Variants in ACBD6 observed in about 807,000 individuals in gnomAD.
The protein encoded by ACBD6 is acyl-CoA binding domain containing 6.
In ACBD6, 28 loss-of-function variants were observed where a neutral mutation model predicts 37.2. That is an observed-to-expected ratio of 0.75 (90% CI 0.56 to 1.03). The LOEUF is 1.03. Ranked by LOEUF, ACBD6 falls within the 50% of genes least tolerant of loss-of-function variation. The pLI is 0.00. For synonymous variants in ACBD6, 113 were observed against 126.8 expected (o/e 0.89, Z 0.73); for missense variants, 340 against 337.4 (o/e 1.01, Z -0.06).
At chr1:180,466,094 G>A (rs1650338270) in intron 3 of ACBD6, among the ~76,000 whole-genome samples, 1 of 151,888 alleles carries the variant, frequency 6.6e-6, no homozygotes, top group South Asian at 2.1e-4. Flanking sequence ...AATCCCTATG[G>A]TATGTGTTTA....
chr1:180,392,648 T>G lies in ACBD6; in HGVS notation c.663+4868A>C, dbSNP rs558704552. 4.9e-4 allele frequency among the ~76,000 whole-genome samples: 75 copies of G among 152,294 alleles called. No homozygotes were observed. The South Asian group carries it at 7.0e-3, about 14-fold the overall frequency. The stretch of plus-strand genomic sequence containing the variant: ...AAAGAGACAATGCACATAAAATTCT[T>G]GACACATAGTAAACACTAAATACTT... On this transcript the variant is annotated intron_variant, in intron 6 of 7. Transcript: ENST00000367595.
rs1453961418 is a variant in ACBD6 at position 180,303,452 on chromosome 1, C to A, written c.694+11240G>T. Among the ~76,000 whole-genome samples the A allele has an allele frequency of 1.3e-5, 2 of 150,862 alleles. 1 individual carries two copies. Among genetic ancestry groups the A allele is most frequent in the Non-Finnish European group, 3.0e-5 (2 of 67,514 alleles). Reference sequence around the variant, plus strand: ...ACCACCAATCCCGCAGAAATACAAACTACCATCAGAGAATATTATAAACAC... The same window carrying A: ...ACCACCAATCCCGCAGAAATACAAAATACCATCAGAGAATATTATAAACAC... On this transcript the variant is annotated intron_variant, in intron 7 of 7. Transcript: ENST00000367595.
chr1:180,321,662 T>A (rs1023110832), intron 6 of ACBD6, among the ~76,000 whole-genome samples: 1 of 152,094 alleles, frequency 6.6e-6, no homozygotes, highest in East Asian at 1.9e-4. Context: ...AGCAAGACTC[T>A]GTCTCAAAAA....
intron 9 of ACBD6, among the ~76,000 whole-genome samples, chr1:180,280,309 C>T (rs1649269313): frequency 6.6e-6 from 1 of 151,984 alleles, no homozygotes; most frequent in Non-Finnish European, 1.5e-5. Context: ...GTGTGTGTGG[C>T]ATTTCCCTCT....
At chr1:180,341,938 A>G (rs1384428869) in intron 6 of ACBD6, among the ~76,000 whole-genome samples, 1 of 152,130 alleles carries the variant, frequency 6.6e-6, no homozygotes, top group Non-Finnish European at 1.5e-5. Context: ...ATGGTTACTT[A>G]TAAGTAGCTC....
intron 6 of ACBD6, among the ~76,000 whole-genome samples, chr1:180,348,471 CTATTAAGAG>C (rs1258572720): frequency 2.0e-5 from 3 of 152,046 alleles, no homozygotes; most frequent in Non-Finnish European, 4.4e-5. Context: ...GAAATGGGAG[CTATTAAGAG>C]TATTAAGATC....
intron 4 of ACBD6, 82 bp downstream of exon 4, chr1:180,430,086 TACACATATACAC>T (rs1390669933): frequency 9.8e-7 from 1 of 1,024,614 alleles, no homozygotes; most frequent in African/African-American, 1.6e-5. Context: ...AAATATATAG[TACACATATACAC>T]ATACATAAGC....
exon 14 of ACBD6, chr1:180,271,869 G>A (rs763867983): frequency 1.9e-6 from 3 of 1,613,644 alleles, no homozygotes; most frequent in African/African-American, 1.3e-5. Flanking sequence ...AAAGAGAAAC[G>A]CCTGAAGAAG....
At chr1:180,414,239 C>T (rs74386847) in intron 4 of ACBD6, among the ~76,000 whole-genome samples, 2,786 of 152,234 alleles carry the variant, frequency 0.018, 90 homozygotes, top group African/African-American at 0.063. Flanking sequence ...ACTCCCATAA[C>T]GATCAGTAAT....
intron 7 of ACBD6, among the ~76,000 whole-genome samples, chr1:180,291,420 T>C (rs1433413084): frequency 1.3e-5 from 2 of 152,230 alleles, no homozygotes; most frequent in Non-Finnish European, 2.9e-5. Flanking sequence ...GTTAGGTCTA[T>C]GGTGGCTTTT....
At chr1:180,296,288 A>G (rs1447505438) in intron 7 of ACBD6, among the ~76,000 whole-genome samples, 2 of 152,208 alleles carry the variant, frequency 1.3e-5, no homozygotes, top group African/African-American at 2.4e-5. Context: ...CTGACTCATG[A>G]GGTTGAAGGA....
At chr1:180,335,422 G>A (rs1259673306) in intron 6 of ACBD6, among the ~76,000 whole-genome samples, 5 of 152,178 alleles carry the variant, frequency 3.3e-5, no homozygotes, top group Non-Finnish European at 5.9e-5. Flanking sequence ...AGCTTCATAA[G>A]TGAAGGAGAA....
chr1:180,318,355 C>T (rs1465182655), intron 6 of ACBD6, among the ~76,000 whole-genome samples: 1 of 151,928 alleles, frequency 6.6e-6, no homozygotes, highest in Non-Finnish European at 1.5e-5. Flanking sequence ...ATTTTATAGT[C>T]CCTATATTTC....
chr1:180,356,524 T>TAGG (rs1427380394), intron 6 of ACBD6, among the ~76,000 whole-genome samples: 4 of 151,946 alleles, frequency 2.6e-5, no homozygotes, highest in African/African-American at 9.7e-5. Context: ...TTTAGATCAG[T>TAGG]TCAAATATGA....
Position 180,396,458 on chromosome 1 carries a change from A to G in ACBD6, c.663+1058T>C, listed in dbSNP as rs145700908. Among the ~76,000 whole-genome samples the G allele has an allele frequency of 3.5e-3, 532 of 152,292 alleles. 2 individuals carry two copies. Among genetic ancestry groups the G allele is most frequent in the African/African-American group, 0.012 (500 of 41,562 alleles). On this transcript the variant is annotated intron_variant, in intron 6 of 7. Transcript: ENST00000367595. ...GAGAAAACAAATGATAGAGTTCATC[A>G]AAATTTACAACCTGTGCATCAAAAG...
chr1:180,329,631 C>G (rs1651399619), intron 6 of ACBD6, among the ~76,000 whole-genome samples: 1 of 152,134 alleles, frequency 6.6e-6, no homozygotes, highest in Non-Finnish European at 1.5e-5. Flanking sequence ...GGGAGCATTT[C>G]TAAGCATAGA....
intron 6 of ACBD6, among the ~76,000 whole-genome samples, chr1:180,358,479 G>A (rs1652716162): frequency 6.7e-6 from 1 of 149,550 alleles, no homozygotes; most frequent in South Asian, 2.1e-4. Flanking sequence ...ATTTTAGCAT[G>A]TATTCTAAAA....
At chr1:180,464,514 C>T (rs1650275235) in intron 3 of ACBD6, among the ~76,000 whole-genome samples, 1 of 151,978 alleles carries the variant, frequency 6.6e-6, no homozygotes, top group Non-Finnish European at 1.5e-5. Context: ...ATGAGAATTA[C>T]AAAACACTGC....
At chr1:180,469,751 T>G (rs370912840) in intron 3 of ACBD6, among the ~76,000 whole-genome samples, 2 of 152,214 alleles carry the variant, frequency 1.3e-5, no homozygotes, top group South Asian at 2.1e-4. Flanking sequence ...GCCTACCATG[T>G]GCAGGTTAAC....
Sources: gnomAD v4.1 joint callset for allele counts (sites outside exome capture counted in the v4.1 genomes callset) on GRCh38, gnomAD v4.1.1 for gene constraint, MANE v1.5 for transcripts, NCBI Gene and HGNC (gene_info 2026-07-23, HGNC 2026-07-21) for gene names.